Variants in C2orf15 observed in about 807,000 individuals in gnomAD.
C2orf15 encodes uncharacterized protein C2orf15.
In C2orf15, 3 loss-of-function variants were observed where a neutral mutation model predicts 4.4. The observed-to-expected ratio is 0.67, with a 90% CI of 0.31 to 1.74. C2orf15 has a LOEUF of 1.74. C2orf15 is among the 40% of genes most tolerant of loss of function. The probability of loss-of-function intolerance (pLI) is 0.09; values close to 1 mark genes in which losing one functional copy is unlikely to be tolerated. For synonymous variants in C2orf15, 37 were observed against 36.8 expected, an observed-to-expected ratio of 1.00 and a Z score of -0.02; for missense variants, 90 against 103.3, an observed-to-expected ratio of 0.87 and a Z score of 0.56.
intron 3 of C2orf15, among the ~76,000 whole-genome samples, chr2:99,149,548 T>G (rs2093668804): frequency 6.7e-6 from 1 of 149,668 alleles, no homozygotes; most frequent in Non-Finnish European, 1.5e-5. Context: ...GTTCACACCA[T>G]TCTTCTGCCT....
At chr2:99,149,169 C>A (rs957363020) in intron 3 of C2orf15, among the ~76,000 whole-genome samples, 264 of 123,082 alleles carry the variant, frequency 2.1e-3, no homozygotes, top group South Asian at 2.6e-3. Context: ...AACTCCATCT[C>A]AAAAAAAAAA....
chr2:99,147,953 ATAT>A (rs1256115547), intron 3 of C2orf15, among the ~76,000 whole-genome samples: 6 of 152,208 alleles, frequency 3.9e-5, no homozygotes, highest in Non-Finnish European at 8.8e-5. Context: ...CATTGATCCA[ATAT>A]TATTATCTAA....
intron 2 of C2orf15, among the ~76,000 whole-genome samples, chr2:99,145,481 C>T (rs1434701858): frequency 1.3e-5 from 2 of 151,944 alleles, no homozygotes; most frequent in Admixed American, 6.6e-5. Flanking sequence ...TCACTTGAAC[C>T]CAGGAGGCGG....
intron 3 of C2orf15, chr2:99,148,234 A>G (rs2093652032): frequency 6.6e-6 from 1 of 152,216 alleles, no homozygotes; most frequent in Non-Finnish European, 1.5e-5. Flanking sequence ...TGACAGGAGT[A>G]TTTCCTTTCT....
chr2:99,151,605 T>C lies in C2orf15; in HGVS notation c.*771T>C, dbSNP rs1037504518. 6.6e-6 allele frequency: 1 copy of C among 152,244 alleles called. No individual in the cohort carries two copies. Among genetic ancestry groups the C allele is most frequent in the Admixed American group, 6.5e-5 (1 of 15,282 alleles). The allele number at this position is 152,244 out of a possible 1,614,324, so 9.4% of individuals were successfully genotyped here. A position where few individuals can be genotyped will look rare whatever the true frequency, so the allele number is the denominator to read the frequency against. On this transcript the variant is annotated 3_prime_UTR_variant, in exon 4 of 4. Transcript: ENST00000650052. ...TTTACTTTCTTACATTTTGCATTTT[T>C]GTTCTGTAAAAGATCACTGCCAATA...
chr2:99,145,498 C>G (rs1169158187), intron 2 of C2orf15, among the ~76,000 whole-genome samples: 1 of 151,668 alleles, frequency 6.6e-6, no homozygotes, highest in Admixed American at 6.6e-5. Flanking sequence ...GCGGAGGCTG[C>G]AGTCACCCTA....
chr2:99,147,531 G>T (rs774337551), intron 3 of C2orf15, 38 bp downstream of exon 3: 1 of 1,587,658 alleles, frequency 6.3e-7, no homozygotes, highest in Admixed American at 1.7e-5. Context: ...TATTATACTT[G>T]GTTCCTCCTC....
chr2:99,147,449 A>G lies in C2orf15; in HGVS notation c.-121A>G, dbSNP rs1234682001. 8.1e-6 allele frequency: 13 copies of G among 1,613,848 alleles called. No individual in the cohort carries two copies. The highest frequency in any genetic ancestry group is 1.1e-5 in the Non-Finnish European group (13 of 1,179,774). ...AAATGCCAGTCCAAAGAGGCCCCCA[A>G]TAGACTTGTTCACCCTTCATGTCCT... On this transcript the variant is annotated 5_prime_UTR_variant, in exon 3 of 4. Transcript: ENST00000650052.
intron 2 of C2orf15, among the ~76,000 whole-genome samples, chr2:99,143,227 C>T (rs1287423281): frequency 2.0e-5 from 3 of 150,422 alleles, no homozygotes; most frequent in South Asian, 2.1e-4. Context: ...CTGCAACCTC[C>T]GCCTCCCGGG....
chr2:99,147,639 T>C, intron 3 of C2orf15, 146 bp downstream of exon 3: 1 of 718,296 alleles, frequency 1.4e-6, no homozygotes, highest in Non-Finnish European at 2.2e-6. Flanking sequence ...TTTAGAGTTT[T>C]GTGTTTTTTA....
chr2:99,149,411 C>T (rs891118379), intron 3 of C2orf15, among the ~76,000 whole-genome samples: 1 of 151,788 alleles, frequency 6.6e-6, no homozygotes, highest in South Asian at 2.1e-4. Flanking sequence ...TGGGAAACTT[C>T]CCAAGGCCTC....
chr2:99,146,417 T>A (rs2105135931), intron 2 of C2orf15, among the ~76,000 whole-genome samples: 1 of 152,344 alleles, frequency 6.6e-6, no homozygotes, highest in South Asian at 2.1e-4. Context: ...AAATATCTCC[T>A]TCCAGTCTCT....
rs541068536 is a variant in C2orf15, at chr2:99,150,943, A to T, written c.*109A>T. 4.4e-6 allele frequency: 3 copies of T among 686,722 alleles called. No homozygotes were observed. Among genetic ancestry groups the T allele is most frequent in the Non-Finnish European group, 7.5e-6 (3 of 401,540 alleles). 42.5% of individuals were successfully genotyped at this position (686,722 alleles called of 1,614,324 possible). On this transcript the variant is annotated 3_prime_UTR_variant, in exon 4 of 4. Transcript: ENST00000650052. The stretch of plus-strand genomic sequence containing the variant: ...AACCCTGACAAAATGATGGAAGACT[A>T]TTGCCTTATTTTGCACTATTTGTGA...
At position 99,151,064 on chromosome 2, in the gene C2orf15, A is replaced by G. The variant is rs914661580; in HGVS notation, c.*230A>G. 4 of 387,506 alleles carry G rather than the reference A, an allele frequency of 1.0e-5. No individual in the cohort carries two copies. The highest frequency in any genetic ancestry group is 4.1e-5 in the African/African-American group (2 of 48,284). 24.0% of individuals were successfully genotyped at this position (387,506 alleles called of 1,614,324 possible). On this transcript the variant is annotated 3_prime_UTR_variant, in exon 4 of 4. Transcript: ENST00000650052. Reference sequence around the variant, plus strand: ...AAGATTCAAAGCAGATTTCTCTGGTATTATATTATATCCTTCTTAAAAACC... The same window carrying G: ...AAGATTCAAAGCAGATTTCTCTGGTGTTATATTATATCCTTCTTAAAAACC...
intron 2 of C2orf15, among the ~76,000 whole-genome samples, chr2:99,143,647 G>C (rs116528598): frequency 6.6e-6 from 1 of 151,294 alleles, no homozygotes; most frequent in Non-Finnish European, 1.5e-5. Context: ...ATTTTTGTAT[G>C]TTTTTGTAGA....
At position 99,150,819 on chromosome 2, in the gene C2orf15, G is replaced by A; in HGVS notation, c.261G>A (p.Met87Ile). The change falls in exon 4 of 4, where the codon ATG becomes ATA. Residue 87 changes from methionine to isoleucine, a missense_variant. Transcript: ENST00000650052. ...TCAAAGAAAGTGATGGACTAGAAAT[G>A]ACAGATGTGGAATGAAGCAATTTGT... ...VYVKESDGLEMTDVE is the reference protein window; with the variant it reads ...VYVKESDGLEITDVE 1 of 1,589,074 alleles carries A rather than the reference G, an allele frequency of 6.3e-7. No homozygotes were observed. The highest frequency in any genetic ancestry group is 8.5e-7 in the Non-Finnish European group (1 of 1,171,506).
At chr2:99,146,369 T>A (rs1050493006) in intron 2 of C2orf15, among the ~76,000 whole-genome samples, 17 of 152,248 alleles carry the variant, frequency 1.1e-4, no homozygotes, top group South Asian at 4.1e-4. Context: ...GTTCTCTTTT[T>A]ATTCCAGCCA....
intron 1 of C2orf15, 46 bp downstream of exon 1, chr2:99,141,983 C>G (rs563399243): frequency 3.3e-5 from 5 of 152,574 alleles, no homozygotes; most frequent in African/African-American, 1.2e-4. Context: ...GGACCACGGC[C>G]TTGGTCAGCT....
Position 99,141,829 on chromosome 2 carries a change from A to C in C2orf15, c.-394A>C, listed in dbSNP as rs1258544940. 6.6e-6 allele frequency: 1 copy of C among 152,458 alleles called. No homozygotes were observed. Among genetic ancestry groups the C allele is most frequent in the African/African-American group, 2.4e-5 (1 of 41,464 alleles). 9.4% of individuals were successfully genotyped at this position (152,458 alleles called of 1,614,324 possible). On this transcript the variant is annotated 5_prime_UTR_variant, in exon 1 of 4. Transcript: ENST00000650052. ...CATGTTCGGTGAACCGGTTACTCTCAGAGCTGCTTTCGGGCGCAGCTCCTG... is the reference window on the plus strand; with the variant it reads ...CATGTTCGGTGAACCGGTTACTCTCCGAGCTGCTTTCGGGCGCAGCTCCTG...
Sources: allele counts gnomAD v4.1 joint callset (sites outside exome capture counted in the v4.1 genomes callset), GRCh38; gene constraint gnomAD v4.1.1; transcripts MANE v1.5; gene names NCBI Gene and HGNC (gene_info 2026-07-23, HGNC 2026-07-21).